Variants in RIC1 observed in about 807,000 individuals in gnomAD.
RIC1 encodes RIC1 partner of RAB6A GEF complex, also known as guanine nucleotide exchange factor subunit RIC1.
RIC1 carries 88 observed loss-of-function variants against 169.0 expected under a neutral mutation model. The ratio of observed to expected loss-of-function variants is 0.52; its 90% CI spans 0.44 to 0.62. The LOEUF is 0.62. Among genes scored for constraint, RIC1 ranks in the 20% least tolerant of loss-of-function variants. RIC1 has a pLI of 0.00. For missense variants in RIC1, 1,877 were observed against 1,725.5 expected (o/e 1.09, Z -1.56); for synonymous variants, 790 against 601.5 (o/e 1.31, Z -4.59).
chr9:5,739,874 C>G (rs573067955), intron 8 of RIC1, among the ~76,000 whole-genome samples: 1 of 152,210 alleles, frequency 6.6e-6, no homozygotes, highest in South Asian at 2.1e-4. Context: ...TTTTTCCAAT[C>G]AGTGCCTTCA....
chr9:5,702,498 CTTTTT>C (rs986746762), intron 3 of RIC1, among the ~76,000 whole-genome samples: 4 of 148,416 alleles, frequency 2.7e-5, no homozygotes, highest in African/African-American at 5.1e-5. Flanking sequence ...CACTTACACA[CTTTTT>C]TTTTGTTTTG....
chr9:5,767,950 A>G (rs1056620973), intron 21 of RIC1, among the ~76,000 whole-genome samples: 1 of 152,194 alleles, frequency 6.6e-6, no homozygotes, highest in African/African-American at 2.4e-5. Flanking sequence ...ATTTACATAC[A>G]TAGGTCCTAT....
chr9:5,717,865 G>A (rs1823352472), intron 4 of RIC1, among the ~76,000 whole-genome samples: 1 of 150,496 alleles, frequency 6.6e-6, no homozygotes, highest in South Asian at 2.1e-4. Flanking sequence ...GTTCAGCCAG[G>A]CGCAGTGGCT....
chr9:5,725,038 C>T (rs1823873119), intron 6 of RIC1, among the ~76,000 whole-genome samples: 2 of 152,206 alleles, frequency 1.3e-5, no homozygotes, highest in South Asian at 2.1e-4. Flanking sequence ...TGTGTCTCTG[C>T]CAGGCTTTGA....
chr9:5,694,972 C>G lies in RIC1; in HGVS notation c.332+4934C>G, dbSNP rs533479498. On this transcript the variant is annotated intron_variant, in intron 3 of 25. Coordinates refer to ENST00000414202, the MANE Select transcript of RIC1 (RefSeq NM_020829.4). ...CTAACAGTGGAAAAAAACAACAAAA[C>G]AAAAAGCCCTGCTGATAGATCTTGT... Among the ~76,000 whole-genome samples, 14 of 152,088 alleles carry G rather than the reference C, an allele frequency of 9.2e-5. No homozygotes were observed. In the East Asian group the frequency reaches 2.7e-3, roughly 29 times the overall value.
chr9:5,682,254 T>G (rs1325236400), intron 2 of RIC1, among the ~76,000 whole-genome samples: 2 of 152,180 alleles, frequency 1.3e-5, no homozygotes, highest in South Asian at 2.1e-4. Flanking sequence ...TTCCTAGCCT[T>G]GATGGTCTTT....
chr9:5,738,476 A>T lies in RIC1; in HGVS notation c.839A>T (p.Asp280Val), dbSNP rs745673349. 1.2e-6 allele frequency: 2 copies of T among 1,606,498 alleles called. No individual in the cohort carries two copies. Among genetic ancestry groups the T allele is most frequent in the South Asian group, 2.2e-5 (2 of 89,328 alleles). ...VSGSVQVYTI[D>V]NSTGAMLLSH... ...GGTTCTGTGCAGGTCTATACAATAG[A>T]TAACAGCACTGGAGCCATGCTGCTA... Residue 280 changes from aspartate (D) to valine (V), a missense_variant, in exon 8 of 26, where the codon GAT becomes GTT. By Grantham distance (152) the Asp-to-Val change is radical (BLOSUM62 -3). Coordinates refer to ENST00000414202, the MANE Select transcript of RIC1 (RefSeq NM_020829.4).
intron 19 of RIC1, chr9:5,765,092 A>G (rs923921557): frequency 3.1e-5 from 6 of 192,654 alleles, no homozygotes; most frequent in African/African-American, 2.3e-5. Flanking sequence ...ATCTTCAACA[A>G]TTTACTTAAC....
intron 3 of RIC1, among the ~76,000 whole-genome samples, chr9:5,695,791 G>A (rs1056579115): frequency 4.0e-5 from 6 of 151,868 alleles, no homozygotes; most frequent in South Asian, 2.1e-4. Flanking sequence ...GGATGGTCTT[G>A]AACTCCTGAC....
At chr9:5,736,507 C>T (rs1053637540) in intron 7 of RIC1, among the ~76,000 whole-genome samples, 5 of 152,112 alleles carry the variant, frequency 3.3e-5, no homozygotes, top group African/African-American at 1.2e-4. Context: ...TGGGGAGATA[C>T]ATCCTGAGCT....
intron 2 of RIC1, among the ~76,000 whole-genome samples, chr9:5,665,798 C>T (rs1328244841): frequency 6.6e-6 from 1 of 152,142 alleles, no homozygotes; most frequent in Non-Finnish European, 1.5e-5. Context: ...AGATGGCAGC[C>T]TCCTTCTTCT....
At position 5,756,392 on chromosome 9, in the gene RIC1, G is replaced by T; in HGVS notation, c.1853+20G>T. ...TGATGGGTAAGTATCTGGCATATGA[G>T]AAGTCACTTTTTGCTCCTATTTACC... On this transcript the variant is annotated intron_variant, in intron 16 of 25. Coordinates refer to ENST00000414202, the MANE Select transcript of RIC1 (RefSeq NM_020829.4). The T allele has an allele frequency of 2.9e-6, 4 of 1,388,780 alleles. No individual in the cohort carries two copies. The highest frequency in any genetic ancestry group is 3.8e-6 in the Non-Finnish European group (4 of 1,055,612). 86.0% of individuals were successfully genotyped at this position (1,388,780 alleles called of 1,614,324 possible).
rs574792157 is a variant in RIC1, at chr9:5,646,324, T to C, written c.145-10259T>C. ...TCTGGGTATAATCCTTTATCAGATA[T>C]GTGGTTTCTAATACAGTTATGCTCC... is the stretch of plus-strand genomic sequence containing the variant. On this transcript the variant is annotated intron_variant, in intron 1 of 25. Transcript: ENST00000414202. Among the ~76,000 whole-genome samples the C allele has an allele frequency of 3.3e-5, 5 of 152,284 alleles. No individual in the cohort carries two copies. The South Asian group carries it at 8.3e-4, about 25-fold the overall frequency.
intron 1 of RIC1, among the ~76,000 whole-genome samples, chr9:5,638,625 T>C (rs75799114): frequency 0.042 from 6,364 of 152,312 alleles, 195 homozygotes; most frequent in Middle Eastern, 0.075. Context: ...TATTGGCATA[T>C]AGTTGCTCAT....
intron 3 of RIC1, among the ~76,000 whole-genome samples, chr9:5,702,962 G>A (rs139567907): frequency 2.0e-3 from 309 of 152,228 alleles, no homozygotes; most frequent in African/African-American, 6.8e-3. Context: ...CACCTCCAAC[G>A]TTGGGGATTA....
chr9:5,730,311 G>C (rs1824287410), intron 6 of RIC1, among the ~76,000 whole-genome samples: 1 of 152,138 alleles, frequency 6.6e-6, no homozygotes, highest in Non-Finnish European at 1.5e-5. Context: ...AAACAAGACA[G>C]TAAAGAGTTG....
Position 5,756,212 on chromosome 9 carries a change from C to A in RIC1, c.1693C>A (p.Leu565Ile). 2 of 1,544,872 alleles carry A rather than the reference C, an allele frequency of 1.3e-6. No individual in the cohort carries two copies. Among genetic ancestry groups the A allele is most frequent in the Non-Finnish European group, 1.8e-6 (2 of 1,138,604 alleles). The change falls in exon 16 of 26, where the codon CTT (leucine) becomes ATT (isoleucine). Residue 565 changes from leucine to isoleucine, a missense_variant and splice_region_variant. Leu to Ile is a conservative substitution (Grantham distance 5). This residue lies in a region of RIC1 where 1,104 missense variants were observed against 992.0 expected (regional missense o/e 1.11). Coordinates refer to ENST00000414202, the MANE Select transcript of RIC1 (RefSeq NM_020829.4). The part of the protein sequence containing the change: ...CYNINDRQEE[L>I]RVYLRTSNLD... ...TTTTCTTCATTTTTGTTTTCTTCAG[C>A]TTAGAGTATACTTGCGAACATCAAA...
intron 2 of RIC1, among the ~76,000 whole-genome samples, chr9:5,673,041 G>C (rs959743527): frequency 1.3e-5 from 2 of 152,120 alleles, no homozygotes; most frequent in East Asian, 1.9e-4. Flanking sequence ...TGGAGCTACA[G>C]TGAACAGGAC....
intron 2 of RIC1, among the ~76,000 whole-genome samples, chr9:5,681,857 A>T (rs1185355632): frequency 6.6e-6 from 1 of 152,170 alleles, no homozygotes; most frequent in Admixed American, 6.5e-5. Context: ...TTGGGTGCAT[A>T]TATATTTAGG....
Sources: allele counts gnomAD v4.1 joint callset (sites outside exome capture counted in the v4.1 genomes callset), GRCh38; gene constraint gnomAD v4.1.1; regional missense constraint gnomAD v4.1.1; transcripts MANE v1.5; gene names NCBI Gene and HGNC (gene_info 2026-07-23, HGNC 2026-07-21).